FER: variants seen among roughly 807,000 people sequenced by gnomAD.
FER encodes the protein tyrosine-protein kinase Fer.
In FER, 63 loss-of-function variants were observed where a neutral mutation model predicts 111.0. That is an observed-to-expected ratio of 0.57 (90% CI 0.46 to 0.70). FER has a LOEUF of 0.70. FER is among the 30% of genes least tolerant of loss of function. The probability of loss-of-function intolerance (pLI) is 0.00; values close to 1 mark genes in which losing one functional copy is unlikely to be tolerated. For synonymous variants in FER, 327 were observed against 313.9 expected (o/e 1.04, Z -0.44); for missense variants, 914 against 954.0 (o/e 0.96, Z 0.55).
chr5:108,869,589 T>C (rs1291206739), intron 6 of FER, among the ~76,000 whole-genome samples: 1 of 152,118 alleles, frequency 6.6e-6, no homozygotes, highest in East Asian at 1.9e-4. Flanking sequence ...GAAGGCCTTG[T>C]GAAGACAGAG....
At chr5:108,989,641 T>A (rs1328791212) in intron 13 of FER, among the ~76,000 whole-genome samples, 1 of 151,982 alleles carries the variant, frequency 6.6e-6, no homozygotes, top group Non-Finnish European at 1.5e-5. Flanking sequence ...TTTCTTTATT[T>A]GATTACATTA....
chr5:109,058,064 T>C (rs1773872186), intron 16 of FER, among the ~76,000 whole-genome samples: 1 of 152,134 alleles, frequency 6.6e-6, no homozygotes. Context: ...GATTTAACTT[T>C]CATAAATCAA....
intron 10 of FER, among the ~76,000 whole-genome samples, chr5:108,901,647 T>C (rs1295153062): frequency 6.6e-6 from 1 of 152,156 alleles, no homozygotes; most frequent in Non-Finnish European, 1.5e-5. Context: ...AACCTTAATA[T>C]TATTTAAAAA....
At chr5:108,823,720 T>G (rs944123065) in intron 3 of FER, among the ~76,000 whole-genome samples, 12 of 152,174 alleles carry the variant, frequency 7.9e-5, no homozygotes, top group African/African-American at 2.9e-4. Context: ...TTTTTTCCCA[T>G]TCTTTAGATT....
chr5:108,968,491 G>A (rs1190287724), intron 13 of FER, among the ~76,000 whole-genome samples: 1 of 152,132 alleles, frequency 6.6e-6, no homozygotes, highest in African/African-American at 2.4e-5. Context: ...AGGGATGAAG[G>A]AAATAAAAAT....
chr5:108,926,826 A>T (rs1271598062), intron 10 of FER, among the ~76,000 whole-genome samples: 1 of 152,086 alleles, frequency 6.6e-6, no homozygotes, highest in Non-Finnish European at 1.5e-5. Context: ...TGTTCTTGAC[A>T]TCTTTTGTTT....
At chr5:108,884,512 G>GTTTTTTTTTTTTT (rs776345488) in intron 9 of FER, among the ~76,000 whole-genome samples, 3 of 144,532 alleles carry the variant, frequency 2.1e-5, no homozygotes, top group African/African-American at 2.6e-5. Context: ...CTTATGCCTG[G>GTTTTTTTTTTTTT]TTTTTTTTTT....
intron 9 of FER, among the ~76,000 whole-genome samples, chr5:108,894,836 C>T (rs1406677677): frequency 6.6e-6 from 1 of 152,070 alleles, no homozygotes; most frequent in Non-Finnish European, 1.5e-5. Context: ...TCATGAGACT[C>T]ACGTACTGCC....
chr5:108,870,863 A>G (rs973955401), intron 6 of FER, among the ~76,000 whole-genome samples: 2 of 152,092 alleles, frequency 1.3e-5, no homozygotes, highest in Middle Eastern at 3.2e-3. Flanking sequence ...GGAGGTCAAG[A>G]GAAGAAATTT....
At chr5:108,845,067 T>TATACTATATATATATATACAC (rs1486282738) in intron 5 of FER, among the ~76,000 whole-genome samples, 1 of 53,856 alleles carries the variant, frequency 1.9e-5, no homozygotes, top group Non-Finnish European at 3.5e-5. Context: ...TATATATATA[T>TATACTATATATATATATACAC]ACACACACAC....
intron 13 of FER, among the ~76,000 whole-genome samples, chr5:108,985,548 A>T (rs890618783): frequency 6.6e-6 from 1 of 152,054 alleles, no homozygotes; most frequent in Admixed American, 6.6e-5. Flanking sequence ...CCCGAGCAGT[A>T]TACGCTGTAC....
In FER at chr5:109,115,151, T is replaced by G. The variant is rs2126442660; in HGVS notation, c.2048+14632T>G. Among the ~76,000 whole-genome samples the G allele has an allele frequency of 2.0e-5, 3 of 152,286 alleles. No homozygotes were observed. The South Asian group carries it at 6.2e-4, about 32-fold the overall frequency. Reference sequence around the variant, plus strand: ...TTCTCAAGCCCTAACATAGTAGTCGTTAAATGCTTGTTGCTAATGAAGAGT... The same window carrying G: ...TTCTCAAGCCCTAACATAGTAGTCGGTAAATGCTTGTTGCTAATGAAGAGT... On this transcript the variant is annotated intron_variant, in intron 17 of 19. Transcript: ENST00000281092.
intron 16 of FER, among the ~76,000 whole-genome samples, chr5:109,092,302 A>AAAC: frequency 6.7e-6 from 1 of 148,478 alleles, no homozygotes; most frequent in Non-Finnish European, 1.5e-5. Context: ...AAAAAAAAAA[A>AAAC]AAAAAAAAAC....
intron 9 of FER, chr5:108,891,367 C>G (rs1385332266): frequency 6.6e-6 from 1 of 151,950 alleles, no homozygotes; most frequent in African/African-American, 2.4e-5. Context: ...TGTACCTTGT[C>G]TTTTTATCTT....
chr5:108,904,419 A>C (rs1432837859), intron 10 of FER, among the ~76,000 whole-genome samples: 1 of 152,162 alleles, frequency 6.6e-6, no homozygotes, highest in East Asian at 1.9e-4. Flanking sequence ...TGGGGTGAGA[A>C]TATTTCAGGC....
rs1319977621 is a variant in FER, at chr5:108,799,328, A to G, written c.207+939A>G. The stretch of plus-strand genomic sequence containing the variant: ...TTCCAGTGTCTTATTTAAATATCAT[A>G]TTTCACTATAGAATGTTAAAAAAAT... On this transcript the variant is annotated intron_variant, in intron 3 of 19. Transcript: ENST00000281092. Among the ~76,000 whole-genome samples the G allele has an allele frequency of 2.0e-5, 3 of 152,218 alleles. No homozygotes were observed. The East Asian group carries it at 5.8e-4, about 29-fold the overall frequency.
In FER at chr5:108,958,974, T is replaced by G. The variant is rs537257271; in HGVS notation, c.1534-251T>G. Among the ~76,000 whole-genome samples, 5 of 151,992 alleles carry G rather than the reference T, an allele frequency of 3.3e-5. No homozygotes were observed. In the South Asian group the frequency reaches 1.0e-3, roughly 32 times the overall value. ...ATTTTTTATTTTTCAACAATTTGAA[T>G]TAGATTTAAACATTGTGAAAATTGA... On this transcript the variant is annotated intron_variant, in intron 12 of 19. Transcript: ENST00000281092.
At chr5:108,782,286 T>C (rs1232483008) in intron 2 of FER, among the ~76,000 whole-genome samples, 2 of 138,972 alleles carry the variant, frequency 1.4e-5, no homozygotes, top group Non-Finnish European at 3.1e-5. Flanking sequence ...GACTTCCAAG[T>C]ATTTTTTTTT....
chr5:108,816,473 C>T (rs1256453254), intron 3 of FER, among the ~76,000 whole-genome samples: 2 of 152,136 alleles, frequency 1.3e-5, no homozygotes, highest in African/African-American at 4.8e-5. Flanking sequence ...AATGAAGTGC[C>T]ATGTTAATAT....
Sources: allele counts gnomAD v4.1 joint callset (sites outside exome capture counted in the v4.1 genomes callset), GRCh38; gene constraint gnomAD v4.1.1; transcripts MANE v1.5; gene names NCBI Gene and HGNC (gene_info 2026-07-23, HGNC 2026-07-21).